SETD2: variants seen among roughly 807,000 people sequenced by gnomAD.
SETD2 encodes histone-lysine N-methyltransferase SETD2.
In SETD2, 31 loss-of-function variants were observed where a neutral mutation model predicts 242.1. The ratio of observed to expected loss-of-function variants is 0.13; its 90% confidence interval spans 0.10 to 0.17. The LOEUF is 0.17. Ranked by LOEUF, SETD2 falls within the 10% of genes least tolerant of loss-of-function variation. The pLI is 1.00. For synonymous variants in SETD2, 1,006 were observed against 1,066.5 expected (o/e 0.94, Z 1.11); for missense variants, 2,481 against 3,046.3 (o/e 0.81, Z 4.37).
intron 18 of SETD2, among the ~76,000 whole-genome samples, chr3:47,026,748 T>C (rs1003877660): frequency 4.6e-5 from 7 of 151,412 alleles, no homozygotes; most frequent in African/African-American, 4.9e-5. Context: ...TAAGTGGGAG[T>C]TGAACAATGA....
chr3:47,034,138 ACT>A lies in SETD2; in HGVS notation c.7350+3526_7350+3527del, dbSNP rs1330764140. On this transcript the variant is annotated intron_variant, in intron 18 of 20. Transcript: ENST00000409792. ...CATTTGGCAGCTTAATTCTTTCTGC[ACT>A]CTCATTATTATTTGCGGATTTATTT... 2.6e-5 allele frequency among the ~76,000 whole-genome samples: 4 copies of A among 152,134 alleles called. No individual in the cohort carries two copies. The East Asian group carries it at 7.7e-4, about 29-fold the overall frequency.
At chr3:47,160,730 T>C (rs1697466045) in intron 1 of SETD2, among the ~76,000 whole-genome samples, 1 of 152,188 alleles carries the variant, frequency 6.6e-6, no homozygotes, top group Non-Finnish European at 1.5e-5. Context: ...CAGACATGCA[T>C]ATGTTCAAAG....
intron 17 of SETD2, among the ~76,000 whole-genome samples, chr3:47,039,493 G>A (rs529509369): frequency 2.0e-5 from 3 of 152,110 alleles, no homozygotes; most frequent in African/African-American, 4.8e-5. Context: ...GACTACAGGC[G>A]TAAGCCACCA....
At chr3:47,109,985 C>CAAAAAAAAAAA (rs1167745997) in intron 5 of SETD2, among the ~76,000 whole-genome samples, 1 of 60,522 alleles carries the variant, frequency 1.7e-5, no homozygotes, top group Non-Finnish European at 3.3e-5. Context: ...GACTCCATCT[C>CAAAAAAAAAAA]AAAAAAAAAA....
At chr3:47,092,519 A>G (rs1175054652) in intron 9 of SETD2, among the ~76,000 whole-genome samples, 3 of 148,794 alleles carry the variant, frequency 2.0e-5, no homozygotes, top group African/African-American at 4.9e-5. Context: ...TTAAATATAT[A>G]TTTATACATT....
intron 14 of SETD2, among the ~76,000 whole-genome samples, chr3:47,058,877 C>G (rs960247921): frequency 1.3e-5 from 2 of 151,830 alleles, no homozygotes; most frequent in East Asian, 3.9e-4. Context: ...TCACTGCAAG[C>G]TCCACCCCCC....
chr3:47,051,235 G>C (rs928715302), intron 15 of SETD2, among the ~76,000 whole-genome samples: 1 of 152,052 alleles, frequency 6.6e-6, no homozygotes, highest in Non-Finnish European at 1.5e-5. Context: ...CTCCCGAGTA[G>C]CTGGGACTAC....
chr3:47,032,630 A>G (rs187603651), intron 18 of SETD2, among the ~76,000 whole-genome samples: 3 of 151,914 alleles, frequency 2.0e-5, no homozygotes, highest in Admixed American at 2.0e-4. Flanking sequence ...CAAATAATAA[A>G]GCTGGGCACG....
At chr3:47,085,944 C>T (rs1325262718) in intron 11 of SETD2, among the ~76,000 whole-genome samples, 1 of 152,068 alleles carries the variant, frequency 6.6e-6, no homozygotes, top group Non-Finnish European at 1.5e-5. Context: ...TTATATCTTG[C>T]TCTTGTAGTT....
At chr3:47,104,245 A>G (rs1194037111) in intron 6 of SETD2, among the ~76,000 whole-genome samples, 3 of 152,196 alleles carry the variant, frequency 2.0e-5, no homozygotes, top group Non-Finnish European at 2.9e-5. Flanking sequence ...AAAAATTTAA[A>G]TAATCATTTT....
At chr3:47,097,067 C>T (rs938321746) in intron 9 of SETD2, among the ~76,000 whole-genome samples, 4 of 152,070 alleles carry the variant, frequency 2.6e-5, no homozygotes, top group African/African-American at 9.7e-5. Context: ...TTTTCTATCT[C>T]CCCATCTAAA....
rs2107744044 is a variant in SETD2 at position 47,120,636 on chromosome 3, C to G, written c.4000G>C (p.Asp1334His). ...QGQVPDSLTD[D>H]REEEENWDQQ... The stretch of plus-strand genomic sequence containing the variant: ...TCCCAATTCTCCTCTTCTTCACGAT[C>G]ATCTGTTAGGGAATCTGGTACTTGT... Residue 1334 changes from aspartate (D) to histidine (H), a missense_variant, in exon 3 of 21, where the codon GAT becomes CAT. Transcript: ENST00000409792. 6.2e-7 allele frequency: 1 copy of G among 1,614,100 alleles called. No individual in the cohort carries two copies. The highest frequency in any genetic ancestry group is 8.5e-7 in the Non-Finnish European group (1 of 1,180,032).
At position 47,128,034 on chromosome 3, in the gene SETD2, T is replaced by C. The variant is rs937221327; in HGVS notation, c.72-1371A>G. On this transcript the variant is annotated intron_variant, in intron 1 of 20. Transcript: ENST00000409792. ...ACACACAAAATAACATAGAATAATA[T>C]GTGTAAAGTATCTATAAACAGTTCA... 6.6e-5 allele frequency among the ~76,000 whole-genome samples: 10 copies of C among 152,032 alleles called. No homozygotes were observed. The East Asian group carries it at 7.7e-4, about 12-fold the overall frequency.
intron 18 of SETD2, among the ~76,000 whole-genome samples, chr3:47,030,464 A>C (rs1431825818): frequency 6.6e-6 from 1 of 152,156 alleles, no homozygotes; most frequent in Non-Finnish European, 1.5e-5. Context: ...CGGTTTAATA[A>C]CATGTATGTA....
At chr3:47,100,261 C>G (rs1013421437) in intron 8 of SETD2, among the ~76,000 whole-genome samples, 1 of 148,826 alleles carries the variant, frequency 6.7e-6, no homozygotes, top group Admixed American at 6.7e-5. Flanking sequence ...GTTTTTTGTT[C>G]GTTTGCTTTT....
chr3:47,061,526 T>C (rs916187249), intron 14 of SETD2, among the ~76,000 whole-genome samples: 4 of 152,062 alleles, frequency 2.6e-5, no homozygotes, highest in Admixed American at 1.3e-4. Context: ...GGACAATAAA[T>C]ACATGACACG....
intron 14 of SETD2, among the ~76,000 whole-genome samples, chr3:47,060,690 T>C (rs751071467): frequency 1.3e-5 from 2 of 152,060 alleles, no homozygotes; most frequent in Non-Finnish European, 2.9e-5. Context: ...CAAGGGAGGA[T>C]TTCTAAAAAC....
intron 1 of SETD2, among the ~76,000 whole-genome samples, chr3:47,162,966 C>T (rs558316268): frequency 9.8e-5 from 15 of 152,322 alleles, no homozygotes; most frequent in African/African-American, 3.4e-4. Context: ...TTTTCCACAA[C>T]ATTGTCTTCT....
At chr3:47,162,871 A>G (rs960989764) in intron 1 of SETD2, among the ~76,000 whole-genome samples, 2 of 152,240 alleles carry the variant, frequency 1.3e-5, no homozygotes, top group Non-Finnish European at 2.9e-5. Context: ...CTGAGATAGC[A>G]GATACAGCAG....
Sources: allele counts gnomAD v4.1 joint callset (sites outside exome capture counted in the v4.1 genomes callset), GRCh38; gene constraint gnomAD v4.1.1; transcripts MANE v1.5; gene names NCBI Gene and HGNC (gene_info 2026-07-23, HGNC 2026-07-21).